Variants in BACE2 observed in about 807,000 individuals in gnomAD.
BACE2 encodes the protein 56 kDa aspartic-like protease.
In BACE2, 17 loss-of-function variants were observed where a neutral mutation model predicts 46.2. The ratio of observed to expected loss-of-function variants is 0.37; its 90% CI spans 0.25 to 0.55. BACE2 has a LOEUF of 0.55. BACE2 is among the 20% of genes least tolerant of loss of function. BACE2 has a pLI of 0.82. For missense variants in BACE2, 595 were observed against 698.1 expected, an observed-to-expected ratio of 0.85 and a Z score of 1.66; for synonymous variants, 277 against 295.9, an observed-to-expected ratio of 0.94 and a Z score of 0.66.
chr21:41,245,350 G>T (rs1987435229), intron 5 of BACE2, among the ~76,000 whole-genome samples: 1 of 152,202 alleles, frequency 6.6e-6, no homozygotes, highest in Non-Finnish European at 1.5e-5. Flanking sequence ...GTAGTGGTTG[G>T]GGTGGCTCAT....
intron 8 of BACE2, among the ~76,000 whole-genome samples, chr21:41,261,609 C>T (rs1987937740): frequency 6.6e-6 from 1 of 151,978 alleles, no homozygotes; most frequent in Admixed American, 6.6e-5. Context: ...CTCTCATGAA[C>T]TATGCCCTGT....
chr21:41,228,919 A>G (rs1428411831), intron 2 of BACE2, among the ~76,000 whole-genome samples: 2 of 152,178 alleles, frequency 1.3e-5, no homozygotes, highest in Non-Finnish European at 2.9e-5. Context: ...AAAAGATGGT[A>G]TGCATATGTG....
intron 2 of BACE2, among the ~76,000 whole-genome samples, chr21:41,233,776 C>T (rs1987031446): frequency 6.6e-6 from 1 of 152,112 alleles, no homozygotes; most frequent in African/African-American, 2.4e-5. Flanking sequence ...GCCTGACCAA[C>T]ATAGTGAAAC....
At chr21:41,174,840 C>A (rs1393607580) in intron 1 of BACE2, among the ~76,000 whole-genome samples, 6 of 152,138 alleles carry the variant, frequency 3.9e-5, no homozygotes, top group Non-Finnish European at 8.8e-5. Flanking sequence ...GTTTGCCCAG[C>A]CTTGGTGAGA....
At chr21:41,194,929 A>T (rs1473785318) in intron 1 of BACE2, among the ~76,000 whole-genome samples, 1 of 152,214 alleles carries the variant, frequency 6.6e-6, no homozygotes, top group Non-Finnish European at 1.5e-5. Context: ...ATTGGCAGGC[A>T]GGGCACTTAT....
intron 1 of BACE2, among the ~76,000 whole-genome samples, chr21:41,175,027 C>CCCTT (rs1984762957): frequency 6.6e-6 from 1 of 152,030 alleles, no homozygotes; most frequent in Non-Finnish European, 1.5e-5. Context: ...GGCCTGGCTC[C>CCCTT]CCTTCATCCT....
chr21:41,170,320 G>C (rs1984562419), intron 1 of BACE2, among the ~76,000 whole-genome samples: 2 of 151,976 alleles, frequency 1.3e-5, no homozygotes. Context: ...GAAATGTATT[G>C]AGTACCTAGG....
intron 1 of BACE2, among the ~76,000 whole-genome samples, chr21:41,197,816 G>A (rs1279551060): frequency 6.6e-6 from 1 of 152,122 alleles, no homozygotes; most frequent in African/African-American, 2.4e-5. Context: ...ATTCATGAGG[G>A]CAGAGCCAGG....
At chr21:41,180,916 T>A (rs1192301641) in intron 1 of BACE2, 1 of 167,136 alleles carries the variant, frequency 6.0e-6, no homozygotes, top group Non-Finnish European at 1.5e-5. Flanking sequence ...GGGGAACTCT[T>A]GAATTCTCTT....
intron 1 of BACE2, among the ~76,000 whole-genome samples, chr21:41,213,866 G>A (rs1442145715): frequency 6.6e-6 from 1 of 152,114 alleles, no homozygotes; most frequent in Non-Finnish European, 1.5e-5. Flanking sequence ...GATTCTTCCT[G>A]AAAAATCCTT....
At chr21:41,209,999 T>TC (rs1191310485) in intron 1 of BACE2, among the ~76,000 whole-genome samples, 5 of 151,328 alleles carry the variant, frequency 3.3e-5, no homozygotes, top group African/African-American at 1.2e-4. Context: ...GAGGTCCCCC[T>TC]TCCCCCTAAC....
chr21:41,240,858 C>T (rs1278437646), intron 3 of BACE2, among the ~76,000 whole-genome samples: 3 of 152,162 alleles, frequency 2.0e-5, no homozygotes, highest in Non-Finnish European at 4.4e-5. Context: ...GTGGAGTTCC[C>T]CTCTCACTCC....
At chr21:41,232,613 A>T (rs912354675) in intron 2 of BACE2, among the ~76,000 whole-genome samples, 1 of 151,900 alleles carries the variant, frequency 6.6e-6, no homozygotes, top group South Asian at 2.1e-4. Flanking sequence ...TTCACATGAG[A>T]GCTGGTTGTT....
intron 2 of BACE2, among the ~76,000 whole-genome samples, chr21:41,229,729 T>C (rs1450354887): frequency 6.6e-6 from 1 of 152,234 alleles, no homozygotes; most frequent in Non-Finnish European, 1.5e-5. Context: ...GACACATCTC[T>C]CTTACTTACC....
intron 1 of BACE2, among the ~76,000 whole-genome samples, chr21:41,190,223 A>G (rs1387910490): frequency 6.6e-6 from 1 of 152,224 alleles, no homozygotes; most frequent in Non-Finnish European, 1.5e-5. Context: ...ACTTGAACCC[A>G]TACACATCTG....
intron 2 of BACE2, among the ~76,000 whole-genome samples, chr21:41,227,412 G>A (rs547250402): frequency 6.6e-6 from 1 of 152,258 alleles, no homozygotes; most frequent in East Asian, 1.9e-4. Flanking sequence ...GCTCTAGTTG[G>A]GGACAAAAGG....
intron 7 of BACE2, among the ~76,000 whole-genome samples, chr21:41,256,690 A>G (rs919888696): frequency 1.3e-5 from 2 of 152,164 alleles, no homozygotes; most frequent in African/African-American, 4.8e-5. Context: ...GAACCAAACC[A>G]ATGGACATCT....
chr21:41,275,360 T>C lies in BACE2; in HGVS notation c.1304-11T>C, dbSNP rs750737962. On this transcript the variant is annotated splice_polypyrimidine_tract_variant and intron_variant, in intron 8 of 8. Transcript: ENST00000330333. ...TTCACAGCTGTGGATTTTCCCTTTC[T>C]GTCTCCCCAGAAATTGCAGGTGCTG... 5 of 1,613,878 alleles carry C rather than the reference T, an allele frequency of 3.1e-6. No individual in the cohort carries two copies. Among genetic ancestry groups the C allele is most frequent in the East Asian group, 2.2e-5 (1 of 44,878 alleles).
At chr21:41,260,562 C>A (rs1365648457) in intron 8 of BACE2, among the ~76,000 whole-genome samples, 1 of 152,240 alleles carries the variant, frequency 6.6e-6, no homozygotes, top group Non-Finnish European at 1.5e-5. Context: ...TGGTTCCAAG[C>A]TCACTGTTGT....
Sources: gnomAD v4.1 joint callset for allele counts (sites outside exome capture counted in the v4.1 genomes callset) on GRCh38, gnomAD v4.1.1 for gene constraint, MANE v1.5 for transcripts, NCBI Gene and HGNC (gene_info 2026-07-23, HGNC 2026-07-21) for gene names.